The following KIF26B variants were observed in gnomAD, a reference collection of about 807,000 sequenced individuals.
KIF26B encodes the protein kinesin family member 26B.
Under a neutral mutation model 151.2 loss-of-function variants are expected in KIF26B, and 63 were observed. The observed-to-expected ratio is 0.42, with a 90% CI of 0.34 to 0.51. The LOEUF is 0.51. KIF26B is among the 20% of genes least tolerant of loss of function. The probability of loss-of-function intolerance (pLI) is 0.07; values close to 1 mark genes in which losing one functional copy is unlikely to be tolerated. For synonymous variants in KIF26B, 1,357 were observed against 1,262.1 expected, an observed-to-expected ratio of 1.08 and a Z score of -1.59; for missense variants, 2,813 against 2,913.6, an observed-to-expected ratio of 0.97 and a Z score of 0.79.
intron 5 of KIF26B, among the ~76,000 whole-genome samples, chr1:245,570,287 G>GTTAA (rs1320598718): frequency 6.6e-6 from 1 of 152,016 alleles, no homozygotes; most frequent in Non-Finnish European, 1.5e-5. Context: ...TTGAAATTCA[G>GTTAA]GTTAATGATG....
chr1:245,195,498 A>G (rs1195032064), intron 2 of KIF26B, among the ~76,000 whole-genome samples: 2 of 152,196 alleles, frequency 1.3e-5, no homozygotes, highest in Non-Finnish European at 2.9e-5. Flanking sequence ...GACGTGGGTC[A>G]CATAAACAGG....
chr1:245,248,522 T>C (rs1412320369), intron 2 of KIF26B, among the ~76,000 whole-genome samples: 1 of 152,210 alleles, frequency 6.6e-6, no homozygotes, highest in Non-Finnish European at 1.5e-5. Context: ...CCACTAACTA[T>C]TAATCATGGT....
intron 4 of KIF26B, among the ~76,000 whole-genome samples, chr1:245,470,396 G>C (rs2103063222): frequency 6.6e-6 from 1 of 152,016 alleles, no homozygotes; most frequent in African/African-American, 2.4e-5. Flanking sequence ...GTCACTGCTT[G>C]GAAAAACCAT....
intron 3 of KIF26B, among the ~76,000 whole-genome samples, chr1:245,407,568 A>T (rs10924193): frequency 0.28 from 43,114 of 151,932 alleles, 10,931 homozygotes; most frequent in African/African-American, 0.68. Flanking sequence ...ATTATGTATA[A>T]GCCGAAGCAT....
intron 3 of KIF26B, among the ~76,000 whole-genome samples, chr1:245,394,143 C>T (rs557956180): frequency 3.0e-4 from 45 of 152,328 alleles, no homozygotes; most frequent in African/African-American, 1.1e-3. Context: ...TCAGTTACTG[C>T]TCACCTGTCT....
In KIF26B at chr1:245,383,616, A is replaced by G. The variant is rs567113110; in HGVS notation, c.999+16249A>G. On this transcript the variant is annotated intron_variant, in intron 3 of 14. Transcript: ENST00000407071. ...GGCCCACTCTCTCCACCCTGTTCAA[A>G]CAGCCAGTGCTTCATCATAGTTTAT... Among the ~76,000 whole-genome samples the G allele has an allele frequency of 5.9e-5, 9 of 152,328 alleles. 1 individual carries two copies. In the South Asian group the frequency reaches 1.9e-3, roughly 32 times the overall value.
At chr1:245,570,853 C>T (rs2043060349) in intron 5 of KIF26B, among the ~76,000 whole-genome samples, 1 of 152,102 alleles carries the variant, frequency 6.6e-6, no homozygotes, top group Non-Finnish European at 1.5e-5. Context: ...ATTTTGTTTC[C>T]CAGAATGAGG....
chr1:245,586,279 CA>C (rs2043223383), intron 5 of KIF26B, among the ~76,000 whole-genome samples: 1 of 152,020 alleles, frequency 6.6e-6, no homozygotes. Context: ...CCTGGCCTCC[CA>C]AAGTGCTGGG....
intron 10 of KIF26B, among the ~76,000 whole-genome samples, chr1:245,671,265 T>C (rs556597992): frequency 1.3e-5 from 2 of 152,366 alleles, no homozygotes; most frequent in Admixed American, 6.5e-5. Flanking sequence ...TTTAGGTTGC[T>C]TCCAAATCTA....
chr1:245,468,687 G>C (rs1313443385), intron 4 of KIF26B, among the ~76,000 whole-genome samples: 2 of 152,164 alleles, frequency 1.3e-5, no homozygotes, highest in Non-Finnish European at 2.9e-5. Context: ...GAGAGAGAGA[G>C]AGAGAGAGAG....
chr1:245,274,666 T>G (rs1275337378), intron 2 of KIF26B, among the ~76,000 whole-genome samples: 1 of 152,226 alleles, frequency 6.6e-6, no homozygotes, highest in African/African-American at 2.4e-5. Context: ...TCTTTGCTAT[T>G]GTGAACAGTG....
Position 245,687,734 on chromosome 1 carries a change from C to G in KIF26B, c.4751C>G (p.Pro1584Arg). 1 of 1,578,110 alleles carries G rather than the reference C, an allele frequency of 6.3e-7. No individual in the cohort carries two copies. The highest frequency in any genetic ancestry group is 1.4e-5 in the African/African-American group (1 of 74,006). The change falls in exon 12 of 15, where the codon CCC becomes CGC. Residue 1584 changes from proline to arginine, a missense_variant. Around this residue, in one of 3 missense-constraint regions of KIF26B, gnomAD observed 2,060 missense variants for 2,088.6 expected, o/e 0.99. Transcript: ENST00000407071. The surrounding 1 kb of genome is among the most constrained non-coding windows in gnomAD (Gnocchi z 4.9). Reference protein sequence around the residue: ...KATLEGKVASPKHCVLARPKG... With the variant: ...KATLEGKVASRKHCVLARPKG... ...ACCCTGGAGGGGAAGGTGGCTTCCC[C>G]CAAGCACTGTGTTCTGGCTCGGCCC...
At chr1:245,421,175 G>A (rs1343072326) in intron 4 of KIF26B, among the ~76,000 whole-genome samples, 1 of 152,132 alleles carries the variant, frequency 6.6e-6, no homozygotes, top group Non-Finnish European at 1.5e-5. Context: ...ATGCCATTTA[G>A]GGAGAGAATA....
chr1:245,335,387 C>G (rs953131420), intron 2 of KIF26B, among the ~76,000 whole-genome samples: 2 of 152,178 alleles, frequency 1.3e-5, no homozygotes, highest in African/African-American at 4.8e-5. Context: ...GACACATATA[C>G]GCACTCTAGT....
rs1003756479 is a variant in KIF26B, at chr1:245,602,220, A to G, written c.1351-357A>G. On this transcript the variant is annotated intron_variant, in intron 5 of 14. Coordinates refer to ENST00000407071, the MANE Select transcript of KIF26B (RefSeq NM_018012.4). The surrounding 1 kb of genome is among the most constrained non-coding windows in gnomAD (Gnocchi z 4.5). ...TTTATTGATCTGTGAGCTTCAAGGA[A>G]ACTGCACCAGCCCCTATAGTTTGGC... Among the ~76,000 whole-genome samples the G allele has an allele frequency of 2.6e-5, 4 of 152,172 alleles. No individual in the cohort carries two copies. Among genetic ancestry groups the G allele is most frequent in the Non-Finnish European group, 5.9e-5 (4 of 68,036 alleles).
At chr1:245,636,350 G>GTT (rs34284207) in intron 9 of KIF26B, among the ~76,000 whole-genome samples, 5 of 145,552 alleles carry the variant, frequency 3.4e-5, no homozygotes, top group African/African-American at 1.3e-4. Flanking sequence ...ATTATAGAAC[G>GTT]TTTTTTTTTT....
At chr1:245,527,825 G>A (rs1661273810) in intron 4 of KIF26B, among the ~76,000 whole-genome samples, 1 of 151,786 alleles carries the variant, frequency 6.6e-6, no homozygotes, top group Non-Finnish European at 1.5e-5. Flanking sequence ...GAGCCACCGC[G>A]CCCGGCCCGG....
chr1:245,416,280 CAAAA>C (rs34744401), intron 3 of KIF26B, among the ~76,000 whole-genome samples: 1 of 51,434 alleles, frequency 1.9e-5, no homozygotes, highest in Non-Finnish European at 4.0e-5. Context: ...AACTCTGTCT[CAAAA>C]AAAAAAAAAA....
At chr1:245,259,686 C>T (rs945587893) in intron 2 of KIF26B, among the ~76,000 whole-genome samples, 2 of 152,014 alleles carry the variant, frequency 1.3e-5, no homozygotes, top group African/African-American at 4.8e-5. Flanking sequence ...AGTCCCAGCA[C>T]TTTGGGAGGT....
Sources: allele counts gnomAD v4.1 joint callset (sites outside exome capture counted in the v4.1 genomes callset), GRCh38; gene constraint gnomAD v4.1.1; regional missense constraint gnomAD v4.1.1; non-coding constraint Gnocchi (gnomAD v3.1); transcripts MANE v1.5; gene names NCBI Gene and HGNC (gene_info 2026-07-23, HGNC 2026-07-21).